Variants in ARMC9 observed in about 807,000 individuals in gnomAD.
ARMC9 encodes the protein armadillo repeat containing 9.
Under a neutral mutation model 107.0 loss-of-function variants are expected in ARMC9, and 94 were observed. The ratio of observed to expected loss-of-function variants is 0.88; its 90% CI spans 0.74 to 1.04. ARMC9 has a LOEUF of 1.04. ARMC9 is among the 50% of genes least tolerant of loss of function. ARMC9 has a pLI of 0.00. For missense variants in ARMC9, 942 were observed against 1,030.1 expected, an observed-to-expected ratio of 0.91 and a Z score of 1.17; for synonymous variants, 380 against 396.9, an observed-to-expected ratio of 0.96 and a Z score of 0.51.
At chr2:231,316,156 ATGTATG>A (rs1449957696) in intron 19 of ARMC9, among the ~76,000 whole-genome samples, 5 of 116,066 alleles carry the variant, frequency 4.3e-5, no homozygotes, top group East Asian at 2.6e-4. Flanking sequence ...ACATGTGTGT[ATGTATG>A]TGTGTGTGTG....
chr2:231,238,034 A>G (rs1389117291), intron 8 of ARMC9, among the ~76,000 whole-genome samples: 2 of 151,842 alleles, frequency 1.3e-5, no homozygotes, highest in Non-Finnish European at 2.9e-5. Context: ...TTAGAAGCTC[A>G]CTGGTTGTGA....
chr2:231,293,151 A>G (rs2041134649), intron 18 of ARMC9, among the ~76,000 whole-genome samples: 1 of 152,184 alleles, frequency 6.6e-6, no homozygotes, highest in Non-Finnish European at 1.5e-5. Context: ...GTTGTATGGA[A>G]CAGCTATAAT....
At chr2:231,325,670 A>G (rs750821341) in intron 19 of ARMC9, among the ~76,000 whole-genome samples, 2 of 152,176 alleles carry the variant, frequency 1.3e-5, no homozygotes, top group Non-Finnish European at 1.5e-5. Context: ...AAAATTCATC[A>G]TAAAATGCAC....
Position 231,297,507 on chromosome 2 carries a change from A to G in ARMC9, c.1773+1254A>G, listed in dbSNP as rs1283860973. Reference sequence around the variant, plus strand: ...TCCAACCACTCAATTCTGCCATTGTAACACGGTGGCTGTCAGCAGTACATA... The same window carrying G: ...TCCAACCACTCAATTCTGCCATTGTGACACGGTGGCTGTCAGCAGTACATA... On this transcript the variant is annotated intron_variant, in intron 19 of 24. Coordinates refer to ENST00000611582, the MANE Select transcript of ARMC9 (RefSeq NM_001352754.2). This position sits in a 1 kb window ranked among gnomAD's most constrained non-coding sequence, Gnocchi z 4.2. Among the ~76,000 whole-genome samples the G allele has an allele frequency of 2.0e-5, 3 of 152,246 alleles. No homozygotes were observed. The highest frequency in any genetic ancestry group is 2.9e-5 in the Non-Finnish European group (2 of 68,046).
At chr2:231,211,725 TA>T (rs1273115121) in intron 3 of ARMC9, among the ~76,000 whole-genome samples, 1 of 152,202 alleles carries the variant, frequency 6.6e-6, no homozygotes, top group African/African-American at 2.4e-5. Context: ...CAGCAGTACA[TA>T]AGCGTTCCAG....
In ARMC9 at chr2:231,362,353, C is replaced by T. The variant is rs566356774; in HGVS notation, c.2261+1470C>T. Among the ~76,000 whole-genome samples the T allele has an allele frequency of 3.9e-5, 6 of 152,256 alleles. No homozygotes were observed. Among genetic ancestry groups the T allele is most frequent in the Non-Finnish European group, 5.9e-5 (4 of 68,010 alleles). Reference sequence around the variant, plus strand: ...CTGCGGTTCAGCCAGGCCAAACCTACGCTTCCGGTATAGGCCACTTCTTTT... The same window carrying T: ...CTGCGGTTCAGCCAGGCCAAACCTATGCTTCCGGTATAGGCCACTTCTTTT... On this transcript the variant is annotated intron_variant, in intron 23 of 24. Coordinates refer to ENST00000611582, the MANE Select transcript of ARMC9 (RefSeq NM_001352754.2). This position sits in a 1 kb window ranked among gnomAD's most constrained non-coding sequence, Gnocchi z 4.7.
rs2045542215 is a variant in ARMC9 at position 231,360,824 on chromosome 2, G to A, written c.2202G>A (p.Thr734=). The A allele has an allele frequency of 6.5e-6, 10 of 1,536,040 alleles. No individual in the cohort carries two copies. The highest frequency in any genetic ancestry group is 2.7e-5 in the African/African-American group (2 of 73,178). The change falls in exon 23 of 25, where the codon ACG becomes ACA. Residue 734 remains threonine (T), a synonymous_variant. Transcript: ENST00000611582. This position sits in a 1 kb window ranked among gnomAD's most constrained non-coding sequence, Gnocchi z 4.7. ...GRQEEPRPAP[T]GTPRQPREAP... is the part of the protein sequence containing the mutation. The stretch of plus-strand genomic sequence containing the variant: ...AGGAAGAGCCTCGCCCAGCCCCCAC[G>A]GGGACCCCCCGCCAGCCAAGGGAGG...
chr2:231,350,638 AAAAG>A (rs1351906638), intron 21 of ARMC9, among the ~76,000 whole-genome samples: 9 of 151,796 alleles, frequency 5.9e-5, no homozygotes, highest in South Asian at 4.2e-4. Flanking sequence ...AAAAAAAAGA[AAAAG>A]AAAAAGAAAC....
At chr2:231,344,004 A>G (rs188105030) in intron 20 of ARMC9, among the ~76,000 whole-genome samples, 95 of 152,322 alleles carry the variant, frequency 6.2e-4, no homozygotes, top group African/African-American at 2.1e-3. Flanking sequence ...ATCATTGTAC[A>G]TGGCTATATG....
intron 9 of ARMC9, 46 bp from the exon 10 acceptor site, chr2:231,256,540 A>G: frequency 6.3e-7 from 1 of 1,599,550 alleles, no homozygotes; most frequent in South Asian, 1.1e-5. Context: ...GTGCATTGCT[A>G]TCAGTGTTTA....
intron 21 of ARMC9, among the ~76,000 whole-genome samples, chr2:231,348,917 A>G (rs2044922156): frequency 6.6e-6 from 1 of 152,228 alleles, no homozygotes; most frequent in Middle Eastern, 3.2e-3. Context: ...GCTTATCTCC[A>G]AAAGTCAGGC....
chr2:231,350,560 T>C (rs563453986), intron 21 of ARMC9, among the ~76,000 whole-genome samples: 18 of 150,368 alleles, frequency 1.2e-4, no homozygotes, highest in African/African-American at 4.4e-4. Flanking sequence ...AGGTCGTGGC[T>C]GCAGTGAGCT....
At chr2:231,315,265 G>A (rs1196394028) in intron 19 of ARMC9, among the ~76,000 whole-genome samples, 4 of 143,102 alleles carry the variant, frequency 2.8e-5, no homozygotes, top group African/African-American at 5.3e-5. Flanking sequence ...AATGCTGGAC[G>A]CAGTAGCTCA....
At chr2:231,349,065 A>G (rs1417138932) in intron 21 of ARMC9, among the ~76,000 whole-genome samples, 1 of 152,250 alleles carries the variant, frequency 6.6e-6, no homozygotes, top group Non-Finnish European at 1.5e-5. Context: ...CACATGATCC[A>G]GCAGTCCCGC....
intron 7 of ARMC9, among the ~76,000 whole-genome samples, chr2:231,234,312 C>T (rs1315304151): frequency 6.6e-6 from 1 of 152,192 alleles, no homozygotes; most frequent in East Asian, 1.9e-4. Context: ...GTCTTTAGGG[C>T]TGCCCACGGG....
chr2:231,308,631 C>T (rs1024901493), intron 19 of ARMC9, among the ~76,000 whole-genome samples: 3 of 152,128 alleles, frequency 2.0e-5, no homozygotes, highest in Non-Finnish European at 4.4e-5. Flanking sequence ...AGATTTTGCA[C>T]GTGTCAGGAG....
intron 19 of ARMC9, 134 bp downstream of exon 19, chr2:231,296,387 C>A: frequency 2.4e-6 from 2 of 829,056 alleles, no homozygotes; most frequent in Non-Finnish European, 3.8e-6. Context: ...TGAGGGTTGG[C>A]TAAAGCTCAG....
At chr2:231,254,644 C>A (rs2037594345) in intron 9 of ARMC9, among the ~76,000 whole-genome samples, 3 of 148,448 alleles carry the variant, frequency 2.0e-5, no homozygotes, top group African/African-American at 5.0e-5. Context: ...TATAGTGAGA[C>A]CCTATCTATA....
intron 19 of ARMC9, among the ~76,000 whole-genome samples, chr2:231,326,332 A>G (rs1040992885): frequency 7.2e-5 from 11 of 152,268 alleles, no homozygotes; most frequent in African/African-American, 2.4e-4. Context: ...TGCTATGGAA[A>G]TGTAAGGTGG....
Sources: allele counts gnomAD v4.1 joint callset (sites outside exome capture counted in the v4.1 genomes callset), GRCh38; gene constraint gnomAD v4.1.1; non-coding constraint Gnocchi (gnomAD v3.1); transcripts MANE v1.5; gene names NCBI Gene and HGNC (gene_info 2026-07-23, HGNC 2026-07-21).